PBRM1: variants seen among roughly 807,000 people sequenced by gnomAD.
PBRM1 encodes the protein protein polybromo-1.
A neutral mutation model predicts 194.5 loss-of-function variants in PBRM1; 27 were observed. That is an observed-to-expected ratio of 0.14 (90% confidence interval 0.10 to 0.19). PBRM1 has a LOEUF of 0.19. Among genes scored for constraint, PBRM1 ranks in the 10% least tolerant of loss-of-function variants. The probability of loss-of-function intolerance (pLI) is 1.00; values close to 1 mark genes in which losing one functional copy is unlikely to be tolerated. For missense variants in PBRM1, 1,466 were observed against 2,077.2 expected (o/e 0.71, Z 5.72); for synonymous variants, 655 against 693.2 (o/e 0.94, Z 0.87).
rs1415875534 is a variant in PBRM1, at chr3:52,609,722, C to T, written c.2158G>A (p.Asp720Asn). 6.2e-7 allele frequency: 1 copy of T among 1,611,116 alleles called. No individual in the cohort carries two copies. The highest frequency in any genetic ancestry group is 2.2e-5 in the East Asian group (1 of 44,846). ...AAGTCCTCAACCATAGAGTCAATAT[C>T]TTGGTACTTGTTGGCCATCATGTGA... The change falls in exon 16 of 30, where the codon GAT (aspartate) becomes AAT (asparagine). Residue 720 changes from aspartate to asparagine, a missense_variant. This residue lies in a region of PBRM1 where 687 missense variants were observed against 946.2 expected (regional missense o/e 0.73). Transcript: ENST00000296302. The surrounding 1 kb of genome is among the most constrained non-coding windows in gnomAD (Gnocchi z 4.1).
At position 52,614,938 on chromosome 3, in the gene PBRM1, A is replaced by G. The variant is rs190410553; in HGVS notation, c.1924+413T>C. ...CTCAAATGATAGCTGAGTATAGTAC[A>G]GTGGCTGGACATCTCTAACTCCTCA... On this transcript the variant is annotated intron_variant, in intron 15 of 29. Coordinates refer to ENST00000296302, the Ensembl canonical transcript of PBRM1. Among the ~76,000 whole-genome samples, 279 of 152,282 alleles carry G rather than the reference A, an allele frequency of 1.8e-3. 2 individuals carry two copies. The highest frequency in any genetic ancestry group is 1.8e-3 in the Admixed American group (27 of 15,296).
At chr3:52,618,592 T>G (rs183966116) in intron 13 of PBRM1, among the ~76,000 whole-genome samples, 5,422 of 63,702 alleles carry the variant, frequency 0.085, 337 homozygotes, top group African/African-American at 0.19. Flanking sequence ...TATGACTTAG[T>G]TTTTTTTTTT....
intron 18 of PBRM1, 81 bp from the exon 21 acceptor site, chr3:52,587,591 A>G: frequency 1.2e-6 from 1 of 819,282 alleles, no homozygotes; most frequent in Non-Finnish European, 1.8e-6. Flanking sequence ...TTTTTTTTTT[A>G]AAGAGACTGG....
intron 13 of PBRM1, among the ~76,000 whole-genome samples, chr3:52,623,973 TAGGA>T (rs1257770634): frequency 6.6e-6 from 1 of 152,214 alleles, no homozygotes; most frequent in African/African-American, 2.4e-5. Context: ...AGGAAAATAT[TAGGA>T]AGATGACAAT....
chr3:52,575,374 CA>C, intron 22 of PBRM1, among the ~76,000 whole-genome samples: 1 of 151,904 alleles, frequency 6.6e-6, no homozygotes. Context: ...GAGCACTTTT[CA>C]ACAAAAAATT....
chr3:52,685,866 A>C (rs1182353621), upstream of PBRM1: 5 of 514,566 alleles, frequency 9.7e-6, no homozygotes, highest in Non-Finnish European at 1.7e-5. Context: ...TCGCTTCGGC[A>C]CCCGCCGCCC....
chr3:52,646,750 A>C (rs2096303382), intron 7 of PBRM1, among the ~76,000 whole-genome samples: 1 of 152,220 alleles, frequency 6.6e-6, no homozygotes, highest in Non-Finnish European at 1.5e-5. Context: ...ACATATATAA[A>C]AATTACTTCA....
intron 11 of PBRM1, among the ~76,000 whole-genome samples, chr3:52,629,489 G>C (rs963682308): frequency 7.2e-5 from 11 of 152,198 alleles, no homozygotes; most frequent in African/African-American, 2.4e-4. Flanking sequence ...GGGTTAAAGA[G>C]ACAGTACTGA....
At chr3:52,622,983 A>G (rs2095331687) in intron 13 of PBRM1, among the ~76,000 whole-genome samples, 1 of 152,240 alleles carries the variant, frequency 6.6e-6, no homozygotes, top group Admixed American at 6.5e-5. Flanking sequence ...TCAGAATCAA[A>G]TATAATTATT....
chr3:52,580,870 C>T (rs1223817769), intron 20 of PBRM1, among the ~76,000 whole-genome samples: 1 of 151,746 alleles, frequency 6.6e-6, no homozygotes, highest in African/African-American at 2.4e-5. Context: ...TCATAAAAAC[C>T]ACTTAACAGA....
At chr3:52,671,290 TA>T (rs1286419562) in intron 2 of PBRM1, among the ~76,000 whole-genome samples, 2 of 152,210 alleles carry the variant, frequency 1.3e-5, no homozygotes, top group African/African-American at 4.8e-5. Flanking sequence ...GAAAAAAACA[TA>T]CATTCCACAG....
intron 22 of PBRM1, among the ~76,000 whole-genome samples, chr3:52,573,381 C>G (rs2088148496): frequency 6.6e-6 from 1 of 152,144 alleles, no homozygotes; most frequent in African/African-American, 2.4e-5. Flanking sequence ...GCAACCTCCA[C>G]CTCTCGGGTT....
At chr3:52,625,344 ATTTC>A (rs1232413714) in intron 13 of PBRM1, among the ~76,000 whole-genome samples, 1 of 152,176 alleles carries the variant, frequency 6.6e-6, no homozygotes, top group African/African-American at 2.4e-5. Flanking sequence ...TGATCGTGTT[ATTTC>A]CTTTTTCATA....
intron 6 of PBRM1, among the ~76,000 whole-genome samples, chr3:52,648,684 T>A (rs2096398429): frequency 6.6e-6 from 1 of 152,200 alleles, no homozygotes; most frequent in South Asian, 2.1e-4. Context: ...AAAAATAAAT[T>A]ACAATTTTTA....
At chr3:52,635,418 T>A (rs1406879002) in intron 10 of PBRM1, among the ~76,000 whole-genome samples, 1 of 151,830 alleles carries the variant, frequency 6.6e-6, no homozygotes, top group Non-Finnish European at 1.5e-5. Context: ...ATACAAAAAT[T>A]AGCTGGGCAT....
Position 52,620,191 on chromosome 3 carries a change from G to A in PBRM1, c.1542-2653C>T, listed in dbSNP as rs147058964. On this transcript the variant is annotated intron_variant, in intron 13 of 29. Coordinates refer to ENST00000296302, the Ensembl canonical transcript of PBRM1. ...TAGGACAAAGCTCCAATACCACAGA[G>A]CTCCACATCTGGGCACAGATTAGAA... is the stretch of plus-strand genomic sequence containing the variant. 2.0e-5 allele frequency among the ~76,000 whole-genome samples: 3 copies of A among 152,282 alleles called. No homozygotes were observed. In the East Asian group the frequency reaches 5.8e-4, roughly 29 times the overall value.
intron 25 of PBRM1, among the ~76,000 whole-genome samples, chr3:52,561,556 A>C (rs1005401501): frequency 7.2e-5 from 11 of 152,206 alleles, no homozygotes; most frequent in South Asian, 4.1e-4. Flanking sequence ...GGAAAATACA[A>C]CACCAGGATC....
exon 5 of PBRM1, chr3:52,658,213 G>A (rs748062886): frequency 6.3e-7 from 1 of 1,580,614 alleles, no homozygotes; most frequent in South Asian, 1.1e-5. Context: ...TTAGAAGGCA[G>A]TTTCTGAAAA....
At chr3:52,583,836 G>A (rs1442930157) in intron 20 of PBRM1, among the ~76,000 whole-genome samples, 4 of 152,118 alleles carry the variant, frequency 2.6e-5, no homozygotes, top group Admixed American at 6.6e-5. Flanking sequence ...GTAGAGACAA[G>A]GTCTTGCTAT....
Sources: gnomAD v4.1 joint callset for allele counts (sites outside exome capture counted in the v4.1 genomes callset) on GRCh38, gnomAD v4.1.1 for gene constraint, gnomAD v4.1.1 regional missense constraint, Gnocchi (gnomAD v3.1) non-coding constraint, MANE v1.5 for transcripts, NCBI Gene and HGNC (gene_info 2026-07-23, HGNC 2026-07-21) for gene names.